Variants in HSD17B4 observed in about 807,000 individuals in gnomAD.
HSD17B4 encodes the protein hydroxysteroid 17-beta dehydrogenase 4.
HSD17B4 carries 70 observed loss-of-function variants against 101.0 expected under a neutral mutation model. The ratio of observed to expected loss-of-function variants is 0.69; its 90% CI spans 0.57 to 0.85. The LOEUF (loss-of-function observed/expected upper bound fraction) is 0.85, where lower values mean the gene tolerates loss of function less well. Ranked by LOEUF, HSD17B4 falls within the 40% of genes least tolerant of loss-of-function variation. HSD17B4 has a pLI of 0.00. For synonymous variants in HSD17B4, 347 were observed against 297.1 expected (o/e 1.17, Z -1.73); for missense variants, 984 against 892.4 (o/e 1.10, Z -1.31).
intron 2 of HSD17B4, among the ~76,000 whole-genome samples, chr5:119,457,131 T>C (rs1754757618): frequency 6.6e-6 from 1 of 152,182 alleles, no homozygotes; most frequent in Non-Finnish European, 1.5e-5. Context: ...CTAATGTGCT[T>C]GACAGTTGGT....
At chr5:119,499,797 G>A (rs1315255619) in intron 13 of HSD17B4, among the ~76,000 whole-genome samples, 2 of 152,066 alleles carry the variant, frequency 1.3e-5, no homozygotes, top group African/African-American at 4.8e-5. Context: ...CTGGCATAAT[G>A]TTATTCTCTC....
chr5:119,498,194 G>C (rs567418707), intron 12 of HSD17B4, among the ~76,000 whole-genome samples: 1 of 152,142 alleles, frequency 6.6e-6, no homozygotes, highest in South Asian at 2.1e-4. Context: ...TAGGCATTGT[G>C]ATAAAGAAAA....
chr5:119,494,475 G>A (rs1750449990), intron 11 of HSD17B4, among the ~76,000 whole-genome samples: 1 of 150,986 alleles, frequency 6.6e-6, no homozygotes, highest in African/African-American at 2.4e-5. Context: ...TTAGCACTTT[G>A]TCTTTGCTAC....
chr5:119,496,683 T>C, intron 12 of HSD17B4, 37 bp downstream of exon 12: 2 of 1,114,916 alleles, frequency 1.8e-6, no homozygotes, highest in Non-Finnish European at 2.8e-6. Flanking sequence ...TTGCCTTCTC[T>C]GGAGACTTTC....
At chr5:119,527,850 C>T (rs552997689) in intron 20 of HSD17B4, among the ~76,000 whole-genome samples, 1 of 152,102 alleles carries the variant, frequency 6.6e-6, no homozygotes, top group Non-Finnish European at 1.5e-5. Context: ...CAAGTTACAT[C>T]ACAGAGTCTG....
intron 7 of HSD17B4, 74 bp downstream of exon 7, chr5:119,477,575 A>T: frequency 2.1e-6 from 2 of 973,666 alleles, no homozygotes; most frequent in Non-Finnish European, 3.4e-6. Context: ...GGGAAAGATT[A>T]TGTGAAGTGT....
chr5:119,533,002 G>T (rs189160362), intron 22 of HSD17B4, among the ~76,000 whole-genome samples: 19 of 152,080 alleles, frequency 1.2e-4, no homozygotes, highest in Non-Finnish European at 2.5e-4. Flanking sequence ...GCACCATTGG[G>T]GGCCTTTTGT....
intron 22 of HSD17B4, among the ~76,000 whole-genome samples, chr5:119,534,735 A>AT (rs1434012524): frequency 1.3e-5 from 2 of 152,092 alleles, no homozygotes; most frequent in Non-Finnish European, 1.5e-5. Context: ...GAAAAGGAAT[A>AT]TGCTCTCCAG....
In HSD17B4 at chr5:119,452,629, G is replaced by A. The variant is rs769227162; in HGVS notation, c.54G>A (p.Gly18=). The change falls in exon 1 of 24, where the codon GGG becomes GGA. Residue 18 remains glycine (G), a synonymous_variant. Coordinates refer to ENST00000510025, the MANE Select transcript of HSD17B4 (RefSeq NM_000414.4). ...GGGTGGTACTGGTCACCGGCGCGGG[G>A]GCAGGTGAGCATGCGAAGGTTGGAG... ...DGRVVLVTGA[G]AGLGRAYALA... The A allele has an allele frequency of 5.3e-5, 85 of 1,613,792 alleles. No individual in the cohort carries two copies. Among genetic ancestry groups the A allele is most frequent in the Middle Eastern group, 3.3e-4 (2 of 6,000 alleles).
intron 2 of HSD17B4, chr5:119,464,757 T>G (rs1278700314): frequency 2.0e-5 from 3 of 152,134 alleles, no homozygotes; most frequent in Non-Finnish European, 4.4e-5. Context: ...CACGCCCAGC[T>G]AATTTTTATA....
chr5:119,462,330 A>G (rs1755339699), intron 2 of HSD17B4, among the ~76,000 whole-genome samples: 1 of 136,704 alleles, frequency 7.3e-6, no homozygotes, highest in South Asian at 2.2e-4. Context: ...AACTTGCTTA[A>G]CACATTTGAG....
chr5:119,513,538 C>G (rs576425669), intron 16 of HSD17B4, among the ~76,000 whole-genome samples: 3 of 152,260 alleles, frequency 2.0e-5, no homozygotes, highest in East Asian at 3.9e-4. Context: ...TGCCCGCCAC[C>G]ACACCTGGCT....
At chr5:119,467,873 A>G (rs765246133) in intron 2 of HSD17B4, among the ~76,000 whole-genome samples, 10 of 152,062 alleles carry the variant, frequency 6.6e-5, no homozygotes, top group Non-Finnish European at 8.8e-5. Flanking sequence ...TTTGGTTTCT[A>G]TTTGTATAGA....
intron 1 of HSD17B4, chr5:119,452,879 G>A (rs1447089615): frequency 6.5e-7 from 1 of 1,532,296 alleles, no homozygotes; most frequent in Non-Finnish European, 8.7e-7. Context: ...CTGCCTGAGA[G>A]GAGAGGCCAG....
At chr5:119,530,786 G>C (rs1356642099) in intron 21 of HSD17B4, among the ~76,000 whole-genome samples, 1 of 144,794 alleles carries the variant, frequency 6.9e-6, no homozygotes, top group African/African-American at 2.5e-5. Context: ...CCGGGAGGTG[G>C]AGGTTGCAGT....
In HSD17B4 at chr5:119,499,520, A is replaced by G. The variant is rs955525918; in HGVS notation, c.1176A>G (p.Ala392=). 3 of 1,613,438 alleles carry G rather than the reference A, an allele frequency of 1.9e-6. No individual in the cohort carries two copies. The highest frequency in any genetic ancestry group is 2.5e-6 in the Non-Finnish European group (3 of 1,179,404). ...GQKSMMGGGL[A]EIPGLSINFA... ...AATCTATGATGGGTGGAGGATTAGC[A>G]GAAATTCCTGGACTTTCAATCAACT... The change falls in exon 13 of 24, where the codon GCA becomes GCG. Residue 392 remains alanine (A), a synonymous_variant. Transcript: ENST00000510025.
chr5:119,467,372 A>G (rs1165711463), intron 2 of HSD17B4, among the ~76,000 whole-genome samples: 1 of 152,226 alleles, frequency 6.6e-6, no homozygotes, highest in Non-Finnish European at 1.5e-5. Context: ...GATCTGCCCA[A>G]TGCCATGAGT....
At chr5:119,488,950 T>C (rs1580592436) in intron 8 of HSD17B4, among the ~76,000 whole-genome samples, 2 of 152,296 alleles carry the variant, frequency 1.3e-5, no homozygotes, top group Admixed American at 1.3e-4. Context: ...ACAGTATTAA[T>C]ATGTTACTCA....
In HSD17B4 at chr5:119,509,157, G is replaced by A. The variant is rs1308707943; in HGVS notation, c.1350G>A (p.Glu450=). ...ACTTTTCAGTCTATTCTTATTCTGAGAAGGAACTTATATGCCACAATCAGT... is the reference window on the plus strand; with the variant it reads ...ACTTTTCAGTCTATTCTTATTCTGAAAAGGAACTTATATGCCACAATCAGT... ...VIIMDVYSYS[E]KELICHNQFS... is the part of the protein sequence containing the mutation. Residue 450 remains glutamate (E), a synonymous_variant, in exon 16 of 24, where the codon GAG becomes GAA. Transcript: ENST00000510025. 5 of 1,584,524 alleles carry A rather than the reference G, an allele frequency of 3.2e-6. No homozygotes were observed. Among genetic ancestry groups the A allele is most frequent in the Non-Finnish European group, 4.3e-6 (5 of 1,153,338 alleles).
Sources: allele counts gnomAD v4.1 joint callset (sites outside exome capture counted in the v4.1 genomes callset), GRCh38; gene constraint gnomAD v4.1.1; transcripts MANE v1.5; gene names NCBI Gene and HGNC (gene_info 2026-07-23, HGNC 2026-07-21).